GRID2: variants seen among roughly 807,000 people sequenced by gnomAD.
GRID2 encodes glutamate ionotropic receptor delta type subunit 2, also known as glutamate receptor ionotropic, delta-2.
In GRID2, 33 loss-of-function variants were observed where a neutral mutation model predicts 114.8. The ratio of observed to expected loss-of-function variants is 0.29; its 90% confidence interval spans 0.22 to 0.38. The LOEUF is 0.38. GRID2 is among the 10% of genes least tolerant of loss of function. GRID2 has a pLI of 1.00. For missense variants in GRID2, 1,184 were observed against 1,257.7 expected, an observed-to-expected ratio of 0.94 and a Z score of 0.89; for synonymous variants, 505 against 449.9, an observed-to-expected ratio of 1.12 and a Z score of -1.55.
At chr4:92,949,572 A>G (rs1480966569) in intron 2 of GRID2, among the ~76,000 whole-genome samples, 1 of 151,736 alleles carries the variant, frequency 6.6e-6, no homozygotes, top group Non-Finnish European at 1.5e-5. Flanking sequence ...CTGTGATAAG[A>G]AATGGGAAGA....
chr4:93,200,398 C>G (rs2095768791), intron 4 of GRID2, among the ~76,000 whole-genome samples: 1 of 151,972 alleles, frequency 6.6e-6, no homozygotes, highest in Admixed American at 6.6e-5. Context: ...AACCCCGTCT[C>G]TACTAAAAAT....
intron 1 of GRID2, among the ~76,000 whole-genome samples, chr4:92,351,765 C>A (rs150929490): frequency 2.2e-4 from 33 of 151,944 alleles, no homozygotes; most frequent in African/African-American, 7.0e-4. Context: ...CATTATTTAT[C>A]TTTCAGTGCC....
At chr4:92,493,042 T>C (rs1723221476) in intron 1 of GRID2, among the ~76,000 whole-genome samples, 1 of 151,052 alleles carries the variant, frequency 6.6e-6, no homozygotes, top group African/African-American at 2.4e-5. Context: ...GGTCGGAGAA[T>C]TGCTTGAACC....
chr4:93,343,206 G>C (rs1241078989), intron 8 of GRID2, among the ~76,000 whole-genome samples: 3 of 151,150 alleles, frequency 2.0e-5, no homozygotes, highest in Non-Finnish European at 3.0e-5. Flanking sequence ...GAAGTTATTA[G>C]AAGTTCCCTT....
chr4:93,273,103 T>G (rs1420441493), intron 8 of GRID2, among the ~76,000 whole-genome samples: 3 of 152,246 alleles, frequency 2.0e-5, no homozygotes, highest in African/African-American at 7.2e-5. Flanking sequence ...ATTGTAATTG[T>G]ACATTTATAT....
intron 4 of GRID2, among the ~76,000 whole-genome samples, chr4:93,143,953 C>G (rs1735977819): frequency 6.6e-6 from 1 of 152,058 alleles, no homozygotes; most frequent in Non-Finnish European, 1.5e-5. Flanking sequence ...GCCACTCACT[C>G]CAGCACAGTT....
intron 2 of GRID2, among the ~76,000 whole-genome samples, chr4:92,620,034 G>T (rs910302736): frequency 1.3e-5 from 2 of 151,726 alleles, no homozygotes; most frequent in Non-Finnish European, 2.9e-5. Flanking sequence ...CTGATGAAAA[G>T]AAGAATGTCA....
chr4:93,734,901 T>G (rs1182285812), intron 14 of GRID2, among the ~76,000 whole-genome samples: 1 of 152,038 alleles, frequency 6.6e-6, no homozygotes, highest in East Asian at 1.9e-4. Flanking sequence ...AAATATTTCA[T>G]GGGGTAACAA....
At chr4:93,441,342 C>A (rs1721601880) in intron 10 of GRID2, among the ~76,000 whole-genome samples, 1 of 151,992 alleles carries the variant, frequency 6.6e-6, no homozygotes, top group African/African-American at 2.4e-5. Context: ...ATTGCTTGGT[C>A]ATTTTTATTT....
At chr4:92,707,047 C>T (rs1219858072) in intron 2 of GRID2, among the ~76,000 whole-genome samples, 4 of 152,112 alleles carry the variant, frequency 2.6e-5, no homozygotes, top group Non-Finnish European at 4.4e-5. Flanking sequence ...AATACTTACG[C>T]TAGAATTACT....
chr4:92,387,252 T>C (rs1730007723), intron 1 of GRID2, among the ~76,000 whole-genome samples: 1 of 151,898 alleles, frequency 6.6e-6, no homozygotes, highest in Admixed American at 6.6e-5. Flanking sequence ...TTTGGAGTTG[T>C]TATCTAGAAA....
At chr4:93,557,696 A>C (rs563471586) in intron 13 of GRID2, among the ~76,000 whole-genome samples, 2 of 152,334 alleles carry the variant, frequency 1.3e-5, no homozygotes, top group Middle Eastern at 3.4e-3. Flanking sequence ...GAAAGTTAAC[A>C]AGGATATTTA....
Position 92,907,177 on chromosome 4 carries a change from A to G in GRID2, c.245-177818A>G, listed in dbSNP as rs554610645. 7.8e-4 allele frequency among the ~76,000 whole-genome samples: 118 copies of G among 152,144 alleles called. 1 individual carries two copies. The highest frequency in any genetic ancestry group is 2.7e-3 in the African/African-American group (111 of 41,516). ...CATTCCAGATCATTCTTTACATTTTATTTATTAACTTTTTTAAAAAAATTA... is the reference window on the plus strand; with the variant it reads ...CATTCCAGATCATTCTTTACATTTTGTTTATTAACTTTTTTAAAAAAATTA... On this transcript the variant is annotated intron_variant, in intron 2 of 15. Coordinates refer to ENST00000282020, the MANE Select transcript of GRID2 (RefSeq NM_001510.4).
chr4:92,891,127 G>A (rs1420204899), intron 2 of GRID2, among the ~76,000 whole-genome samples: 1 of 152,088 alleles, frequency 6.6e-6, no homozygotes, highest in Non-Finnish European at 1.5e-5. Flanking sequence ...AGTCGCGGGG[G>A]CTAGGGGAGG....
intron 2 of GRID2, among the ~76,000 whole-genome samples, chr4:92,682,830 T>TAAACTTA (rs1167965481): frequency 6.6e-6 from 1 of 152,092 alleles, no homozygotes; most frequent in Non-Finnish European, 1.5e-5. Context: ...TAAAATTTAG[T>TAAACTTA]AAACTTAAAA....
intron 1 of GRID2, among the ~76,000 whole-genome samples, chr4:92,491,126 C>T (rs1319003679): frequency 4.6e-5 from 7 of 152,012 alleles, no homozygotes; most frequent in Non-Finnish European, 7.4e-5. Flanking sequence ...GCATTTTTCC[C>T]TAACATATTA....
At chr4:92,316,865 G>C (rs1726010578) in intron 1 of GRID2, among the ~76,000 whole-genome samples, 1 of 152,122 alleles carries the variant, frequency 6.6e-6, no homozygotes, top group Non-Finnish European at 1.5e-5. Flanking sequence ...TCAGCTTTCT[G>C]ATGGTTCACC....
At chr4:92,385,160 T>G (rs1296980331) in intron 1 of GRID2, among the ~76,000 whole-genome samples, 1 of 151,850 alleles carries the variant, frequency 6.6e-6, no homozygotes, top group African/African-American at 2.4e-5. Context: ...ATAATTTCAT[T>G]TATTTTCATA....
At chr4:93,408,898 G>A (rs1766815955) in intron 9 of GRID2, among the ~76,000 whole-genome samples, 1 of 152,028 alleles carries the variant, frequency 6.6e-6, no homozygotes. Context: ...AAAGAAAAAG[G>A]TACATCCCTC....
Sources: allele counts gnomAD v4.1 joint callset (sites outside exome capture counted in the v4.1 genomes callset), GRCh38; gene constraint gnomAD v4.1.1; transcripts MANE v1.5; gene names NCBI Gene and HGNC (gene_info 2026-07-23, HGNC 2026-07-21).